The following SV2C variants were observed in gnomAD, a reference collection of about 807,000 sequenced individuals.
The protein encoded by SV2C is synaptic vesicle glycoprotein 2C, also known as solute carrier family 22 member B3.
Under a neutral mutation model 79.7 loss-of-function variants are expected in SV2C, and 49 were observed. The ratio of observed to expected loss-of-function variants is 0.61; its 90% CI spans 0.49 to 0.78. The LOEUF is 0.78. Ranked by LOEUF, SV2C falls within the 30% of genes least tolerant of loss-of-function variation. The probability of loss-of-function intolerance (pLI) is 0.00; values close to 1 mark genes in which losing one functional copy is unlikely to be tolerated. For synonymous variants in SV2C, 334 were observed against 333.2 expected (o/e 1.00, Z -0.03); for missense variants, 833 against 912.9 (o/e 0.91, Z 1.13).
the SV2C span, among the ~76,000 whole-genome samples, chr5:75,847,491 G>A: frequency 6.6e-6 from 1 of 152,218 alleles, no homozygotes; most frequent in African/African-American, 2.4e-5. Context: ...CTTGCAGGGG[G>A]AAAGGGTTAA....
intron 2 of SV2C, among the ~76,000 whole-genome samples, chr5:76,136,374 T>C (rs1749069458): frequency 6.6e-6 from 1 of 152,234 alleles, no homozygotes; most frequent in Admixed American, 6.5e-5. Context: ...TTTCATTTGA[T>C]AAGCATTAAT....
At chr5:75,881,461 A>T in the SV2C span, among the ~76,000 whole-genome samples, 9 of 152,108 alleles carry the variant, frequency 5.9e-5, no homozygotes, top group Non-Finnish European at 1.2e-4. Context: ...AGGTTTTTTA[A>T]CAAACATTTC....
chr5:76,309,717 T>C (rs766474699), intron 12 of SV2C, among the ~76,000 whole-genome samples: 1 of 151,418 alleles, frequency 6.6e-6, no homozygotes, highest in Non-Finnish European at 1.5e-5. Context: ...CAACAAAGCT[T>C]GGTGCTTGAT....
the SV2C span, among the ~76,000 whole-genome samples, chr5:76,014,718 T>G: frequency 6.6e-6 from 1 of 152,100 alleles, no homozygotes; most frequent in Non-Finnish European, 1.5e-5. Flanking sequence ...ACCTTGCCCT[T>G]CACAGCTTAG....
the SV2C span, chr5:75,921,068 G>A: frequency 2.7e-6 from 2 of 754,660 alleles, no homozygotes; most frequent in South Asian, 1.6e-5. Context: ...GTAGCGGGCA[G>A]TGTCAGGGAT....
chr5:76,325,470 C>A lies in SV2C; in HGVS notation c.2107C>A (p.Leu703Met), dbSNP rs760236844. The change falls in exon 13 of 13, where the codon CTG (leucine) becomes ATG (methionine). Residue 703 changes from leucine (L) to methionine (M), a missense_variant. Leu to Met is a conservative substitution (Grantham distance 15). Transcript: ENST00000502798. ...VSITKSIPIL[L>M]ASTVLVCGGL... ...CATCACCAAATCAATCCCCATCCTG[C>A]TGGCTTCTACTGTGCTCGTGTGTGG... The A allele has an allele frequency of 7.4e-6, 12 of 1,614,096 alleles. No individual in the cohort carries two copies. The highest frequency in any genetic ancestry group is 7.6e-6 in the Non-Finnish European group (9 of 1,180,050).
At chr5:76,128,962 G>C (rs1374655126) in intron 1 of SV2C, among the ~76,000 whole-genome samples, 1 of 152,134 alleles carries the variant, frequency 6.6e-6, no homozygotes. Flanking sequence ...GCAATATCTG[G>C]AATGAGCCAA....
chr5:76,302,002 C>T (rs1748024168), intron 12 of SV2C, among the ~76,000 whole-genome samples: 1 of 151,182 alleles, frequency 6.6e-6, no homozygotes, highest in African/African-American at 2.4e-5. Flanking sequence ...AGGTTCCACT[C>T]ATATCTTTTA....
chr5:76,182,387 A>G (rs1319100871), intron 2 of SV2C, among the ~76,000 whole-genome samples: 4 of 152,192 alleles, frequency 2.6e-5, no homozygotes, highest in African/African-American at 4.8e-5. Flanking sequence ...TACAACAACT[A>G]TGGTCTCTGA....
chr5:75,869,473 C>G, the SV2C span, among the ~76,000 whole-genome samples: 1 of 152,236 alleles, frequency 6.6e-6, no homozygotes, highest in South Asian at 2.1e-4. Flanking sequence ...GGTTTAAATG[C>G]CAGCACAGCT....
At position 76,192,528 on chromosome 5, in the gene SV2C, C is replaced by T. The variant is rs189564654; in HGVS notation, c.581-2391C>T. ...CTGCTCTGAGTTTTCAAGGACTCCC[C>T]GTTATAACACTGTGAATATAGAAAG... is the stretch of plus-strand genomic sequence containing the variant. On this transcript the variant is annotated intron_variant, in intron 2 of 12. Transcript: ENST00000502798. 1.2e-3 allele frequency among the ~76,000 whole-genome samples: 179 copies of T among 152,214 alleles called. 1 individual carries two copies. The highest frequency in any genetic ancestry group is 2.0e-3 in the Admixed American group (31 of 15,276).
intron 2 of SV2C, among the ~76,000 whole-genome samples, chr5:76,186,898 T>C (rs1383267209): frequency 6.6e-6 from 1 of 152,194 alleles, no homozygotes; most frequent in East Asian, 1.9e-4. Context: ...ACCACCCCTA[T>C]GATTCAATTA....
At chr5:76,283,041 G>T (rs199628106) in intron 4 of SV2C, among the ~76,000 whole-genome samples, 2 of 150,982 alleles carry the variant, frequency 1.3e-5, no homozygotes, top group African/African-American at 4.9e-5. Context: ...AAGTCTGGGC[G>T]CGGTGGCTCA....
the SV2C span, among the ~76,000 whole-genome samples, chr5:75,982,951 T>C: frequency 3.0e-4 from 46 of 152,052 alleles, no homozygotes; most frequent in African/African-American, 1.1e-3. Flanking sequence ...CAACACACAC[T>C]GGAGCCTTTT....
chr5:75,875,461 C>T, the SV2C span, among the ~76,000 whole-genome samples: 1 of 151,992 alleles, frequency 6.6e-6, no homozygotes, highest in Admixed American at 6.6e-5. Flanking sequence ...AATGTAAAAC[C>T]CAAAAGTATA....
chr5:75,851,624 T>C, the SV2C span, among the ~76,000 whole-genome samples: 1 of 152,058 alleles, frequency 6.6e-6, no homozygotes, highest in Non-Finnish European at 1.5e-5. Context: ...TGTGGCAACT[T>C]CTGGGTGGAA....
chr5:76,216,987 C>T (rs188954419), intron 4 of SV2C, among the ~76,000 whole-genome samples: 4 of 152,318 alleles, frequency 2.6e-5, no homozygotes. Flanking sequence ...GAGGTGTTCT[C>T]CCCTGCTGTG....
chr5:76,074,879 C>T, the SV2C span, among the ~76,000 whole-genome samples: 10 of 152,308 alleles, frequency 6.6e-5, no homozygotes, highest in South Asian at 1.2e-3. Flanking sequence ...ATCTTGTTTT[C>T]CCAACAGAAA....
chr5:76,175,821 TC>T (rs1296594107), intron 2 of SV2C, among the ~76,000 whole-genome samples: 9 of 152,150 alleles, frequency 5.9e-5, no homozygotes, highest in African/African-American at 1.7e-4. Flanking sequence ...AGCGTGTGTG[TC>T]CCCGAGAGGT....
Sources: gnomAD v4.1 joint callset for allele counts (sites outside exome capture counted in the v4.1 genomes callset) on GRCh38, gnomAD v4.1.1 for gene constraint, MANE v1.5 for transcripts, NCBI Gene and HGNC (gene_info 2026-07-23, HGNC 2026-07-21) for gene names.